The following CUX2 variants were observed in gnomAD, a reference collection of about 807,000 sequenced individuals.
CUX2 encodes cut like homeobox 2, also known as homeobox protein cut-like 2.
A neutral mutation model predicts 144.8 loss-of-function variants in CUX2; 40 were observed. The ratio of observed to expected loss-of-function variants is 0.28; its 90% CI spans 0.21 to 0.36. The LOEUF is 0.36. CUX2 is among the 10% of genes least tolerant of loss of function. CUX2 has a pLI of 1.00. For synonymous variants in CUX2, 827 were observed against 875.6 expected, an observed-to-expected ratio of 0.94 and a Z score of 0.98; for missense variants, 1,615 against 1,994.0, an observed-to-expected ratio of 0.81 and a Z score of 3.62.
At chr12:111,132,225 G>A (rs911242034) in intron 1 of CUX2, among the ~76,000 whole-genome samples, 12 of 152,164 alleles carry the variant, frequency 7.9e-5, no homozygotes, top group Middle Eastern at 3.2e-3. Context: ...GCCATGGCCC[G>A]AGCTGTACAC....
chr12:111,229,616 G>T (rs989783704), intron 3 of CUX2, among the ~76,000 whole-genome samples: 8 of 152,122 alleles, frequency 5.3e-5, no homozygotes, highest in African/African-American at 1.9e-4. Context: ...AAAGAAATTT[G>T]CCTGGCTGGG....
chr12:111,067,991 T>G (rs550024199), intron 1 of CUX2, among the ~76,000 whole-genome samples: 1 of 152,204 alleles, frequency 6.6e-6, no homozygotes, highest in African/African-American at 2.4e-5. Flanking sequence ...GGGCAGCCCA[T>G]CACGACCCCT....
chr12:111,322,344 A>AAAAAT lies in CUX2; in HGVS notation c.2767-77_2767-76insAAAAT. ...CTCAAAAAAAAAAAAAAAAAAAAAA[A>AAAAAT]GGTTGGGGAGGAGAGTGAGGGCCAG... On this transcript the variant is annotated intron_variant, in intron 17 of 21. Coordinates refer to ENST00000261726, the MANE Select transcript of CUX2 (RefSeq NM_015267.4). The surrounding 1 kb of genome is among the most constrained non-coding windows in gnomAD (Gnocchi z 4.2). The AAAAAT allele has an allele frequency of 9.5e-7, 1 of 1,050,838 alleles. No individual in the cohort carries two copies. Among genetic ancestry groups the AAAAAT allele is most frequent in the Non-Finnish European group, 1.3e-6 (1 of 780,102 alleles). 65.1% of individuals were successfully genotyped at this position (1,050,838 alleles called of 1,614,324 possible).
chr12:111,250,960 A>T (rs1028410140), intron 3 of CUX2, among the ~76,000 whole-genome samples: 1 of 152,294 alleles, frequency 6.6e-6, no homozygotes, highest in Admixed American at 6.5e-5. Flanking sequence ...ATGACCATAC[A>T]AAGAATTGAT....
chr12:111,092,493 G>A (rs1176276759), intron 1 of CUX2, among the ~76,000 whole-genome samples: 1 of 152,180 alleles, frequency 6.6e-6, no homozygotes, highest in Non-Finnish European at 1.5e-5. Flanking sequence ...AGACATCACT[G>A]TGGGTTTTAA....
intron 3 of CUX2, among the ~76,000 whole-genome samples, chr12:111,240,797 C>T (rs76415072): frequency 5.3e-5 from 8 of 152,308 alleles, no homozygotes; most frequent in East Asian, 1.9e-4. Flanking sequence ...TTCCTGAAGA[C>T]ATTTGGGTTT....
chr12:111,332,428 C>T (rs545355381), intron 18 of CUX2, among the ~76,000 whole-genome samples: 19 of 152,136 alleles, frequency 1.2e-4, no homozygotes, highest in South Asian at 4.1e-4. Flanking sequence ...CCACTGCACC[C>T]GGCCCCAATC....
intron 1 of CUX2, among the ~76,000 whole-genome samples, chr12:111,087,134 C>T (rs1231120172): frequency 1.3e-5 from 2 of 151,902 alleles, no homozygotes; most frequent in African/African-American, 2.4e-5. Context: ...CCGAGGCAGG[C>T]GGATTGAGGT....
chr12:111,307,143 G>A lies in CUX2; in HGVS notation c.1050+31G>A. 6.2e-7 allele frequency: 1 copy of A among 1,613,680 alleles called. No individual in the cohort carries two copies. The highest frequency in any genetic ancestry group is 8.5e-7 in the Non-Finnish European group (1 of 1,179,718). ...TCCTGGGGAGGAGGCAGGCGGGCAG[G>A]CGGCCCCATGCAGAAGCACACAGAC... On this transcript the variant is annotated intron_variant, in intron 11 of 21. Transcript: ENST00000261726. This position sits in a 1 kb window ranked among gnomAD's most constrained non-coding sequence, Gnocchi z 4.1.
rs1273921663 is a variant in CUX2 at position 111,190,960 on chromosome 12, CAG to C, written c.64-23238_64-23237del. On this transcript the variant is annotated intron_variant, in intron 1 of 21. Transcript: ENST00000261726. The surrounding 1 kb of genome is among the most constrained non-coding windows in gnomAD (Gnocchi z 4.0). ...CAGCTGAGCACAGCCGACCTGCTCG[CAG>C]ATCCAGCACGCCAGGAGGGTCCTGC... Among the ~76,000 whole-genome samples, 1 of 152,240 alleles carries C rather than the reference CAG, an allele frequency of 6.6e-6. No homozygotes were observed.
In CUX2 at chr12:111,295,734, A is replaced by G. The variant is rs1296451915; in HGVS notation, c.637+325A>G. Reference sequence around the variant, plus strand: ...AGAGTTTGAGACCAGCCTGGGCAACATGGCAAGACCCTGTCTCTAATTAAT... The same window carrying G: ...AGAGTTTGAGACCAGCCTGGGCAACGTGGCAAGACCCTGTCTCTAATTAAT... On this transcript the variant is annotated intron_variant, in intron 7 of 21. Transcript: ENST00000261726. This position sits in a 1 kb window ranked among gnomAD's most constrained non-coding sequence, Gnocchi z 5.0. Among the ~76,000 whole-genome samples the G allele has an allele frequency of 6.6e-6, 1 of 151,290 alleles. No homozygotes were observed. The highest frequency in any genetic ancestry group is 2.4e-5 in the African/African-American group (1 of 40,880).
intron 16 of CUX2, among the ~76,000 whole-genome samples, chr12:111,315,230 A>G (rs1887132885): frequency 6.6e-6 from 1 of 152,196 alleles, no homozygotes; most frequent in South Asian, 2.1e-4. Context: ...CACGAGTTCT[A>G]CTTCTGGGAT....
rs1439965319 is a variant in CUX2 at position 111,307,876 on chromosome 12, G to A, written c.1110-409G>A. Among the ~76,000 whole-genome samples, 1 of 152,094 alleles carries A rather than the reference G, an allele frequency of 6.6e-6. No individual in the cohort carries two copies. Among genetic ancestry groups the A allele is most frequent in the East Asian group, 1.9e-4 (1 of 5,188 alleles). ...CGCTCACCTGTAGTCCCAGCTACTT[G>A]GGAGGCTGAGGCAGGAGAATCGCTT... On this transcript the variant is annotated intron_variant, in intron 12 of 21. Coordinates refer to ENST00000261726, the MANE Select transcript of CUX2 (RefSeq NM_015267.4). The surrounding 1 kb of genome is among the most constrained non-coding windows in gnomAD (Gnocchi z 4.1).
chr12:111,182,952 C>T (rs1348012848), intron 1 of CUX2, among the ~76,000 whole-genome samples: 10 of 152,172 alleles, frequency 6.6e-5, no homozygotes, highest in South Asian at 2.1e-4. Context: ...CCAACTGCCC[C>T]GGATCCTGTA....
intron 1 of CUX2, among the ~76,000 whole-genome samples, chr12:111,108,733 C>T (rs1873761011): frequency 6.6e-6 from 1 of 150,604 alleles, no homozygotes; most frequent in African/African-American, 2.5e-5. Flanking sequence ...CCCCACTCTC[C>T]TCTCCTTCAC....
intron 1 of CUX2, among the ~76,000 whole-genome samples, chr12:111,187,952 T>G (rs1879650253): frequency 6.6e-6 from 1 of 152,264 alleles, no homozygotes. Context: ...ATCACAGGCT[T>G]GCACTGAGTC....
chr12:111,203,231 C>CAAAAAAAA, intron 1 of CUX2, among the ~76,000 whole-genome samples: 1 of 76,566 alleles, frequency 1.3e-5, no homozygotes, highest in Non-Finnish European at 2.7e-5. Flanking sequence ...GACTCTGTCT[C>CAAAAAAAA]AAAAAAAAAA....
Position 111,320,371 on chromosome 12 carries a change from C to T in CUX2, c.2362C>T (p.His788Tyr), listed in dbSNP as rs1353542192. 2.5e-6 allele frequency: 4 copies of T among 1,598,146 alleles called. No individual in the cohort carries two copies. The Admixed American group carries it at 5.0e-5, about 20-fold the overall frequency. Reference sequence around the variant, plus strand: ...CGGCGACGCCGGCTACTTCGACCACCACTGGGCCTCCGACCGCGGCCTGCT... The same window carrying T: ...CGGCGACGCCGGCTACTTCGACCACTACTGGGCCTCCGACCGCGGCCTGCT... ...EIGDAGYFDH[H>Y]WASDRGLLSR... is the part of the protein sequence containing the mutation. The change falls in exon 17 of 22, where the codon CAC (histidine) becomes TAC (tyrosine). Residue 788 changes from histidine (H) to tyrosine (Y), a missense_variant. This residue lies in a region of CUX2 where 390 missense variants were observed against 387.1 expected (regional missense o/e 1.01). Transcript: ENST00000261726. This position sits in a 1 kb window ranked among gnomAD's most constrained non-coding sequence, Gnocchi z 8.1.
chr12:111,269,075 T>C (rs935023200), intron 4 of CUX2, among the ~76,000 whole-genome samples: 2 of 152,182 alleles, frequency 1.3e-5, no homozygotes, highest in African/African-American at 4.8e-5. Context: ...TCCTCTTCCA[T>C]AAATTGAGAA....
Sources: gnomAD v4.1 joint callset for allele counts (sites outside exome capture counted in the v4.1 genomes callset) on GRCh38, gnomAD v4.1.1 for gene constraint, gnomAD v4.1.1 regional missense constraint, Gnocchi (gnomAD v3.1) non-coding constraint, MANE v1.5 for transcripts, NCBI Gene and HGNC (gene_info 2026-07-23, HGNC 2026-07-21) for gene names.